BIN1: variants seen among roughly 807,000 people sequenced by gnomAD.
The protein encoded by BIN1 is bridging integrator 1, also known as myc box-dependent-interacting protein 1.
A neutral mutation model predicts 82.0 loss-of-function variants in BIN1; 53 were observed. The observed-to-expected ratio is 0.65, with a 90% confidence interval of 0.52 to 0.81. BIN1 has a LOEUF of 0.81. Among genes scored for constraint, BIN1 ranks in the 40% least tolerant of loss-of-function variants. The pLI is 0.00. For synonymous variants in BIN1, 302 were observed against 328.0 expected (o/e 0.92, Z 0.86); for missense variants, 642 against 784.4 (o/e 0.82, Z 2.17).
Position 127,068,856 on chromosome 2 carries a change from G to A in BIN1, c.519+68C>T, listed in dbSNP as rs1039174382. 44 of 1,451,876 alleles carry A rather than the reference G, an allele frequency of 3.0e-5. No individual in the cohort carries two copies. Among genetic ancestry groups the A allele is most frequent in the East Asian group, 6.8e-5 (3 of 44,026 alleles). The allele number at this position is 1,451,876 out of a possible 1,614,324, so 89.9% of individuals were successfully genotyped here. A position where few individuals can be genotyped will look rare whatever the true frequency, so the allele number is the denominator to read the frequency against. ...CAGGCAGGAGGAAGCCTCCACCCTC[G>A]GGGTCCTAGACACCCGCCCTCTCTC... On this transcript the variant is annotated intron_variant, in intron 6 of 18. Transcript: ENST00000316724. The surrounding 1 kb of genome is among the most constrained non-coding windows in gnomAD (Gnocchi z 4.9).
At chr2:127,071,945 C>T (rs1184023479) in intron 2 of BIN1, among the ~76,000 whole-genome samples, 1 of 152,216 alleles carries the variant, frequency 6.6e-6, no homozygotes, top group East Asian at 1.9e-4. Flanking sequence ...GAACACAAGG[C>T]AGAGAGGGGA....
chr2:127,095,060 G>A (rs1028067388), intron 1 of BIN1, among the ~76,000 whole-genome samples: 4 of 152,194 alleles, frequency 2.6e-5, no homozygotes, highest in Admixed American at 6.5e-5. Flanking sequence ...GTCCTTGCAG[G>A]GAGAGGGGAC....
chr2:127,102,969 AC>A (rs971269622), intron 1 of BIN1, among the ~76,000 whole-genome samples: 1 of 152,192 alleles, frequency 6.6e-6, no homozygotes, highest in Admixed American at 6.5e-5. Flanking sequence ...ACATTCAAGG[AC>A]AGAAGGACAG....
At chr2:127,051,095 C>G in intron 16 of BIN1, 59 bp downstream of exon 16, 1 of 1,603,920 alleles carries the variant, frequency 6.2e-7, no homozygotes, top group Non-Finnish European at 8.5e-7. Context: ...CAGGGGAGCC[C>G]CGGACAGGCA....
rs1391548954 is a variant in BIN1, at chr2:127,076,626, C to A, written c.165G>T (p.Leu55=). The change falls in exon 2 of 19, where the codon CTG becomes CTT. Residue 55 remains leucine (L), a splice_region_variant and synonymous_variant. Transcript: ENST00000316724. The stretch of plus-strand genomic sequence containing the variant: ...AAGGCCAAGGGCCACCCACACTCAC[C>A]AGCTGCTTGTTGAAATTCTGGACGC... The part of the protein sequence containing the change: ...EQCVQNFNKQ[L]TEGTRLQKDL... 1.2e-5 allele frequency: 19 copies of A among 1,614,186 alleles called. No homozygotes were observed. The highest frequency in any genetic ancestry group is 1.6e-5 in the Non-Finnish European group (19 of 1,180,038).
Position 127,057,497 on chromosome 2 carries a change from C to A in BIN1, c.1107G>T (p.Glu369Asp). 6.5e-7 allele frequency: 1 copy of A among 1,548,064 alleles called. No individual in the cohort carries two copies. Among genetic ancestry groups the A allele is most frequent in the Non-Finnish European group, 8.7e-7 (1 of 1,144,796 alleles). Reference protein sequence around the residue: ...LSLFEDTFVPEISVTTPSQFE... With the variant: ...LSLFEDTFVPDISVTTPSQFE... ...CCTGGGAGGGGGTGGTCACGCTGATCTCAGGGACAAACGTGTCCTCAAACA... is the reference window on the plus strand; with the variant it reads ...CCTGGGAGGGGGTGGTCACGCTGATATCAGGGACAAACGTGTCCTCAAACA... Residue 369 changes from glutamate to aspartate, a missense_variant, in exon 12 of 19, where the codon GAG (glutamate) becomes GAT (aspartate). Physicochemically the swap from Glu to Asp is conservative, Grantham distance 45. Coordinates refer to ENST00000316724, the MANE Select transcript of BIN1 (RefSeq NM_139343.3). The surrounding 1 kb of genome is among the most constrained non-coding windows in gnomAD (Gnocchi z 5.0).
In BIN1 at chr2:127,053,465, C is replaced by T. The variant is rs377476606; in HGVS notation, c.1240-20G>A. On this transcript the variant is annotated intron_variant, in intron 13 of 18. Coordinates refer to ENST00000316724, the MANE Select transcript of BIN1 (RefSeq NM_139343.3). ...AATTGACTGAGCGCAGCAGTGAGGG[C>T]GAGAAGGACAGTTAGCACAGAGGTT... is the stretch of plus-strand genomic sequence containing the variant. 7.4e-6 allele frequency: 12 copies of T among 1,613,470 alleles called. No individual in the cohort carries two copies. The highest frequency in any genetic ancestry group is 2.2e-5 in the East Asian group (1 of 44,856).
chr2:127,075,611 C>A (rs1686477975), intron 2 of BIN1, among the ~76,000 whole-genome samples: 1 of 152,194 alleles, frequency 6.6e-6, no homozygotes, highest in African/African-American at 2.4e-5. Context: ...GCCCCTCTGG[C>A]AAGCCAAGGC....
Position 127,053,448 on chromosome 2 carries a change from G to T in BIN1, c.1240-3C>A. 5 of 1,613,888 alleles carry T rather than the reference G, an allele frequency of 3.1e-6. No homozygotes were observed. Among genetic ancestry groups the T allele is most frequent in the Non-Finnish European group, 4.2e-6 (5 of 1,179,874 alleles). On this transcript the variant is annotated splice_polypyrimidine_tract_variant and splice_region_variant and intron_variant, in intron 13 of 18. Coordinates refer to ENST00000316724, the MANE Select transcript of BIN1 (RefSeq NM_139343.3). ...TCCCAGAGGTCCCATGGAATTGACTGAGCGCAGCAGTGAGGGCGAGAAGGA... is the reference window on the plus strand; with the variant it reads ...TCCCAGAGGTCCCATGGAATTGACTTAGCGCAGCAGTGAGGGCGAGAAGGA...
intron 1 of BIN1, among the ~76,000 whole-genome samples, chr2:127,088,909 T>C (rs1678546462): frequency 1.3e-5 from 2 of 151,826 alleles, no homozygotes; most frequent in Non-Finnish European, 2.9e-5. Flanking sequence ...GAGAACTCAG[T>C]GAGTGCAAAG....
intron 4 of BIN1, 36 bp downstream of exon 4, chr2:127,070,517 C>G: frequency 6.2e-7 from 1 of 1,611,062 alleles, no homozygotes; most frequent in Non-Finnish European, 8.5e-7. Flanking sequence ...CCAGAGGGCC[C>G]TCTGAGAAGG....
intron 2 of BIN1, among the ~76,000 whole-genome samples, chr2:127,073,820 G>A (rs1573669774): frequency 6.6e-6 from 1 of 152,310 alleles, no homozygotes; most frequent in East Asian, 1.9e-4. Context: ...GAAGAGCTGG[G>A]ATGCCCTGGA....
chr2:127,050,614 A>G (rs1682796654), intron 17 of BIN1, 92 bp from the exon 18 acceptor site: 2 of 1,453,078 alleles, frequency 1.4e-6, no homozygotes, highest in Admixed American at 1.8e-5. Context: ...TGCAGGTGGC[A>G]GTATGGAGAC....
chr2:127,088,720 C>G (rs375858387), intron 1 of BIN1, among the ~76,000 whole-genome samples: 1 of 148,492 alleles, frequency 6.7e-6, no homozygotes, highest in African/African-American at 2.5e-5. Context: ...GCCAGGGCGA[C>G]AGAGCAAGAC....
intron 18 of BIN1, 173 bp downstream of exon 18, chr2:127,050,248 G>A: frequency 1.5e-6 from 1 of 675,688 alleles, no homozygotes; most frequent in East Asian, 2.7e-5. Flanking sequence ...GGAGAGGAGA[G>A]GGAGAGAGGA....
intron 1 of BIN1, chr2:127,081,733 C>T (rs1008464695): frequency 9.8e-6 from 12 of 1,221,146 alleles, no homozygotes; most frequent in African/African-American, 1.6e-5. Flanking sequence ...ACACCCCACC[C>T]CCACACACAC....
intron 12 of BIN1, chr2:127,054,892 A>G (rs3768863): frequency 0.53 from 80,824 of 152,184 alleles, 21,797 homozygotes; most frequent in African/African-American, 0.6. Context: ...GCACAGGCGG[A>G]GACAATGACT....
At chr2:127,061,888 C>T (rs561654285) in intron 10 of BIN1, among the ~76,000 whole-genome samples, 2 of 152,324 alleles carry the variant, frequency 1.3e-5, no homozygotes, top group African/African-American at 4.8e-5. Context: ...GCGGACTCCC[C>T]AGAGTGCTCC....
At chr2:127,049,679 C>A (rs752815861) in intron 18 of BIN1, among the ~76,000 whole-genome samples, 1 of 152,230 alleles carries the variant, frequency 6.6e-6, no homozygotes, top group South Asian at 2.1e-4. Context: ...ATGGCACCAC[C>A]GACCCCCCAC....
Sources: allele counts gnomAD v4.1 joint callset (sites outside exome capture counted in the v4.1 genomes callset), GRCh38; gene constraint gnomAD v4.1.1; non-coding constraint Gnocchi (gnomAD v3.1); transcripts MANE v1.5; gene names NCBI Gene and HGNC (gene_info 2026-07-23, HGNC 2026-07-21).